Variants in HS6ST3 observed in about 807,000 individuals in gnomAD.
HS6ST3 encodes the protein heparan-sulfate 6-O-sulfotransferase 3.
A neutral mutation model predicts 36.7 loss-of-function variants in HS6ST3; 12 were observed. The ratio of observed to expected loss-of-function variants is 0.33; its 90% CI spans 0.21 to 0.53. The LOEUF is 0.53. Ranked by LOEUF, HS6ST3 falls within the 20% of genes least tolerant of loss-of-function variation. The pLI is 0.95. For synonymous variants in HS6ST3, 240 were observed against 257.5 expected (o/e 0.93, Z 0.65); for missense variants, 584 against 640.9 (o/e 0.91, Z 0.96).
chr13:96,834,718 A>G lies in HS6ST3; in HGVS notation c.*1520A>G, dbSNP rs1157717434. The G allele has an allele frequency of 6.6e-6, 1 of 152,632 alleles. No individual in the cohort carries two copies. Among genetic ancestry groups the G allele is most frequent in the Non-Finnish European group, 1.5e-5 (1 of 68,052 alleles). 9.5% of individuals were successfully genotyped at this position (152,632 alleles called of 1,614,324 possible). A position where few individuals can be genotyped will look rare whatever the true frequency, so the allele number is the denominator to read the frequency against. On this transcript the variant is annotated 3_prime_UTR_variant, in exon 2 of 2. Transcript: ENST00000376705. ...TGAAAAGCCTATTTCATTGATATCC[A>G]ACATGTTTGATGTTTAAGCTAGCTT...
intron 1 of HS6ST3, among the ~76,000 whole-genome samples, chr13:96,297,198 T>A (rs11618287): frequency 0.08 from 12,247 of 152,200 alleles, 562 homozygotes; most frequent in Middle Eastern, 0.13. Context: ...TTATCTGAAG[T>A]ATTTCTAATA....
intron 1 of HS6ST3, among the ~76,000 whole-genome samples, chr13:96,137,206 A>G (rs1030324419): frequency 8.0e-6 from 1 of 125,028 alleles, no homozygotes; most frequent in Non-Finnish European, 1.5e-5. Context: ...TTCTGTAACC[A>G]TTGATTAATT....
Position 96,582,539 on chromosome 13 carries a change from C to A in HS6ST3, c.708-249951C>A, listed in dbSNP as rs374492086. ...TGAGGACTTACGGGACAATGAGAAC[C>A]ATTTCTTAAATATGTTCCAGTTTTC... On this transcript the variant is annotated intron_variant, in intron 1 of 1. Transcript: ENST00000376705. 5.3e-5 allele frequency among the ~76,000 whole-genome samples: 8 copies of A among 152,272 alleles called. No homozygotes were observed. In the East Asian group the frequency reaches 1.2e-3, roughly 22 times the overall value.
intron 1 of HS6ST3, among the ~76,000 whole-genome samples, chr13:96,536,956 T>A (rs564902910): frequency 3.3e-5 from 5 of 152,266 alleles, no homozygotes; most frequent in African/African-American, 1.2e-4. Context: ...ATTTAAACAT[T>A]TATCAGGCAC....
intron 1 of HS6ST3, among the ~76,000 whole-genome samples, chr13:96,455,011 C>CT (rs1429129846): frequency 6.6e-6 from 1 of 151,948 alleles, no homozygotes. Flanking sequence ...CCCTTTTCTG[C>CT]TTTCTGAATC....
In HS6ST3 at chr13:96,563,720, G is replaced by T. The variant is rs918748254; in HGVS notation, c.708-268770G>T. Among the ~76,000 whole-genome samples the T allele has an allele frequency of 4.6e-5, 7 of 152,106 alleles. No individual in the cohort carries two copies. In the East Asian group the frequency reaches 1.3e-3, roughly 29 times the overall value. On this transcript the variant is annotated intron_variant, in intron 1 of 1. Coordinates refer to ENST00000376705, the MANE Select transcript of HS6ST3 (RefSeq NM_153456.4). ...TATAAGGTTAAGTGACTTGCTAATG[G>T]CCATGTTGTGGAAGGCATGCCTGAT...
chr13:96,354,234 G>T (rs974253523), intron 1 of HS6ST3, among the ~76,000 whole-genome samples: 4 of 152,160 alleles, frequency 2.6e-5, no homozygotes, highest in African/African-American at 9.6e-5. Flanking sequence ...GAAAAGTGAT[G>T]CAAGTACAGT....
chr13:96,804,084 A>G (rs1313106010), intron 1 of HS6ST3, among the ~76,000 whole-genome samples: 3 of 151,532 alleles, frequency 2.0e-5, no homozygotes, highest in Admixed American at 1.3e-4. Context: ...AAACTTGTAC[A>G]CCAAGGCAGT....
At chr13:96,166,575 C>CTTTTTTTTTTTTCT (rs2054161256) in intron 1 of HS6ST3, among the ~76,000 whole-genome samples, 3 of 131,590 alleles carry the variant, frequency 2.3e-5, no homozygotes, top group African/African-American at 8.5e-5. Flanking sequence ...TTCTTTCTTT[C>CTTTTTTTTTTTTCT]TTTTTTTTTT....
intron 1 of HS6ST3, among the ~76,000 whole-genome samples, chr13:96,384,186 G>T (rs1262500139): frequency 1.3e-5 from 2 of 152,192 alleles, no homozygotes; most frequent in Non-Finnish European, 2.9e-5. Context: ...TTCATTTGTG[G>T]TTAGAGTGAG....
intron 1 of HS6ST3, among the ~76,000 whole-genome samples, chr13:96,686,687 G>C (rs1263364537): frequency 6.6e-6 from 1 of 151,954 alleles, no homozygotes; most frequent in Non-Finnish European, 1.5e-5. Flanking sequence ...TACTCTTAAG[G>C]TCAATAAAAG....
chr13:96,494,043 G>A (rs1473686440), intron 1 of HS6ST3, among the ~76,000 whole-genome samples: 1 of 152,058 alleles, frequency 6.6e-6, no homozygotes, highest in Non-Finnish European at 1.5e-5. Context: ...TCTTTGTGAT[G>A]CATCAGAATA....
intron 1 of HS6ST3, among the ~76,000 whole-genome samples, chr13:96,360,503 A>G (rs1034774676): frequency 5.3e-5 from 8 of 152,036 alleles, no homozygotes; most frequent in Admixed American, 4.6e-4. Flanking sequence ...GTGCTGAAAA[A>G]AATTTCAATC....
intron 1 of HS6ST3, among the ~76,000 whole-genome samples, chr13:96,822,811 A>G (rs1878565812): frequency 6.6e-6 from 1 of 152,238 alleles, no homozygotes. Flanking sequence ...GCCAATGAAT[A>G]TAATCGGGTG....
At chr13:96,189,211 T>C (rs1403490929) in intron 1 of HS6ST3, among the ~76,000 whole-genome samples, 2 of 152,192 alleles carry the variant, frequency 1.3e-5, no homozygotes, top group Non-Finnish European at 2.9e-5. Context: ...TTTTATTGAG[T>C]TTTCTTTCAG....
At position 96,532,964 on chromosome 13, in the gene HS6ST3, A is replaced by G. The variant is rs544343688; in HGVS notation, c.708-299526A>G. ...GCCTGATAAGACCAAGCTGTCTCCAATGTTTCCCTGAAGTGGAAGCTGTTT... is the reference window on the plus strand; with the variant it reads ...GCCTGATAAGACCAAGCTGTCTCCAGTGTTTCCCTGAAGTGGAAGCTGTTT... On this transcript the variant is annotated intron_variant, in intron 1 of 1. Coordinates refer to ENST00000376705, the MANE Select transcript of HS6ST3 (RefSeq NM_153456.4). Among the ~76,000 whole-genome samples, 10 of 152,292 alleles carry G rather than the reference A, an allele frequency of 6.6e-5. No homozygotes were observed. The South Asian group carries it at 1.0e-3, about 16-fold the overall frequency.
chr13:96,523,597 C>A (rs2056102334), intron 1 of HS6ST3, among the ~76,000 whole-genome samples: 2 of 151,788 alleles, frequency 1.3e-5, no homozygotes, highest in African/African-American at 4.8e-5. Flanking sequence ...ATATTGTCTT[C>A]TTTCTTTATT....
At chr13:96,594,217 C>T (rs892621814) in intron 1 of HS6ST3, among the ~76,000 whole-genome samples, 8 of 151,950 alleles carry the variant, frequency 5.3e-5, no homozygotes, top group Non-Finnish European at 5.9e-5. Flanking sequence ...GGTGATATGC[C>T]GGCTTGGCCT....
chr13:96,414,223 C>A (rs546631010), intron 1 of HS6ST3, among the ~76,000 whole-genome samples: 2 of 152,214 alleles, frequency 1.3e-5, no homozygotes, highest in Non-Finnish European at 2.9e-5. Flanking sequence ...CTAGGCCAGG[C>A]CTTCAGAGAG....
Sources: gnomAD v4.1 joint callset for allele counts (sites outside exome capture counted in the v4.1 genomes callset) on GRCh38, gnomAD v4.1.1 for gene constraint, MANE v1.5 for transcripts, NCBI Gene and HGNC (gene_info 2026-07-23, HGNC 2026-07-21) for gene names.